Variants in GRM7 observed in about 807,000 individuals in gnomAD.
GRM7 encodes glutamate metabotropic receptor 7.
GRM7 carries 35 observed loss-of-function variants against 84.5 expected under a neutral mutation model. The observed-to-expected ratio is 0.41, with a 90% CI of 0.32 to 0.55. The LOEUF is 0.55. Among genes scored for constraint, GRM7 ranks in the 20% least tolerant of loss-of-function variants. GRM7 has a pLI of 0.19. For synonymous variants in GRM7, 487 were observed against 455.1 expected (o/e 1.07, Z -0.89); for missense variants, 1,003 against 1,194.6 (o/e 0.84, Z 2.36).
chr3:7,518,705 G>A (rs889093758), intron 7 of GRM7, among the ~76,000 whole-genome samples: 3 of 152,160 alleles, frequency 2.0e-5, no homozygotes, highest in Non-Finnish European at 4.4e-5. Context: ...TAAGAAGCCA[G>A]ACAAATTTAA....
intron 8 of GRM7, among the ~76,000 whole-genome samples, chr3:7,663,710 G>C (rs914743425): frequency 1.3e-5 from 2 of 152,144 alleles, no homozygotes; most frequent in African/African-American, 4.8e-5. Flanking sequence ...ATGTTATGGA[G>C]ACCATGGATT....
At chr3:7,642,797 T>G (rs1698423794) in intron 8 of GRM7, among the ~76,000 whole-genome samples, 1 of 152,174 alleles carries the variant, frequency 6.6e-6, no homozygotes, top group South Asian at 2.1e-4. Context: ...CAGTAAATAT[T>G]TGATGAATAA....
intron 2 of GRM7, among the ~76,000 whole-genome samples, chr3:7,270,520 A>AT (rs1227529881): frequency 6.6e-6 from 1 of 151,944 alleles, no homozygotes; most frequent in Non-Finnish European, 1.5e-5. Context: ...TTTTCTCAAT[A>AT]TTGAATGTAT....
At chr3:6,890,154 C>G (rs1029336161) in intron 1 of GRM7, among the ~76,000 whole-genome samples, 29 of 152,096 alleles carry the variant, frequency 1.9e-4, no homozygotes, top group Middle Eastern at 3.4e-3. Flanking sequence ...AGCGGTCTAT[C>G]AATTTTGTTG....
At chr3:7,211,104 A>T (rs1017825270) in intron 2 of GRM7, among the ~76,000 whole-genome samples, 10 of 152,196 alleles carry the variant, frequency 6.6e-5, no homozygotes, top group African/African-American at 1.9e-4. Flanking sequence ...TCTTGACAGT[A>T]TGATATTTGG....
At chr3:7,717,653 G>A (rs1432466283) in intron 9 of GRM7, among the ~76,000 whole-genome samples, 2 of 18,098 alleles carry the variant, frequency 1.1e-4, no homozygotes, top group Admixed American at 9.9e-4. Flanking sequence ...ATATCTGTTG[G>A]CAACCTCTAG....
Position 7,132,629 on chromosome 3 carries a change from G to T in GRM7, c.520-13823G>T, listed in dbSNP as rs567895872. ...AAGCATAGCTTACCTCCTTTTATAAGAATAAAAGAACTAAATAAAAATTTT... is the reference window on the plus strand; with the variant it reads ...AAGCATAGCTTACCTCCTTTTATAATAATAAAAGAACTAAATAAAAATTTT... On this transcript the variant is annotated intron_variant, in intron 1 of 9. Coordinates refer to ENST00000357716, the MANE Select transcript of GRM7 (RefSeq NM_000844.4). 3.3e-5 allele frequency among the ~76,000 whole-genome samples: 5 copies of T among 152,230 alleles called. No homozygotes were observed. In the South Asian group the frequency reaches 1.0e-3, roughly 32 times the overall value.
chr3:6,965,782 A>G (rs746159177), intron 1 of GRM7, among the ~76,000 whole-genome samples: 4 of 152,144 alleles, frequency 2.6e-5, no homozygotes, highest in Admixed American at 6.5e-5. Flanking sequence ...ATGACTTTTC[A>G]ATGCTCTCTG....
At chr3:7,576,367 A>G (rs1256113246) in intron 7 of GRM7, among the ~76,000 whole-genome samples, 1 of 152,234 alleles carries the variant, frequency 6.6e-6, no homozygotes, top group East Asian at 1.9e-4. Context: ...TAGGCAAATA[A>G]GAGTCATCTG....
intron 2 of GRM7, among the ~76,000 whole-genome samples, chr3:7,268,455 T>TA (rs1238607067): frequency 9.3e-5 from 14 of 150,726 alleles, no homozygotes; most frequent in African/African-American, 1.2e-4. Context: ...GACCCTGTCT[T>TA]AAAAAAAAAG....
chr3:7,634,218 C>G (rs1485590748), intron 8 of GRM7, among the ~76,000 whole-genome samples: 1 of 152,076 alleles, frequency 6.6e-6, no homozygotes, highest in African/African-American at 2.4e-5. Context: ...CTAATATTAT[C>G]CTAGTAAAGT....
rs1187114898 is a variant in GRM7, at chr3:7,572,853, TATATATATATATATATATATATATATAA to T, written c.1516-5565_1516-5538del. On this transcript the variant is annotated intron_variant, in intron 7 of 9. Transcript: ENST00000357716. ...ATATATATATATATATATATATATATATATATATATATATATATATATATATAAATAATCTTTCTACCTATAATAATTC... is the reference window on the plus strand; with the variant it reads ...ATATATATATATATATATATATATATATAATCTTTCTACCTATAATAATTC... 1.4e-4 allele frequency among the ~76,000 whole-genome samples: 7 copies of T among 50,714 alleles called. 1 individual carries two copies. Among genetic ancestry groups the T allele is most frequent in the African/African-American group, 2.9e-4 (3 of 10,352 alleles). 33.3% of individuals were successfully genotyped at this position (50,714 alleles called of 152,430 possible). A position where few individuals can be genotyped will look rare whatever the true frequency, so the allele number is the denominator to read the frequency against.
chr3:7,150,903 T>TA (rs1440319817), intron 2 of GRM7, among the ~76,000 whole-genome samples: 1 of 152,190 alleles, frequency 6.6e-6, no homozygotes, highest in African/African-American at 2.4e-5. Context: ...ATATGACTCT[T>TA]ACAGTCCATC....
At chr3:7,186,329 A>G (rs985242680) in intron 2 of GRM7, among the ~76,000 whole-genome samples, 8 of 152,208 alleles carry the variant, frequency 5.3e-5, no homozygotes, top group Non-Finnish European at 8.8e-5. Context: ...TTCTCCCCTT[A>G]AGATGTTAAA....
intron 4 of GRM7, among the ~76,000 whole-genome samples, chr3:7,399,280 C>G (rs1695348110): frequency 6.6e-6 from 1 of 151,994 alleles, no homozygotes; most frequent in South Asian, 2.1e-4. Context: ...TCCAATCACC[C>G]CATCTCAGTT....
chr3:7,092,817 C>T (rs1421375435), intron 1 of GRM7, among the ~76,000 whole-genome samples: 1 of 152,216 alleles, frequency 6.6e-6, no homozygotes, highest in East Asian at 1.9e-4. Context: ...GGCACCTTGG[C>T]TCATGCCTGT....
At chr3:7,454,690 T>C (rs1234545740) in intron 6 of GRM7, among the ~76,000 whole-genome samples, 2 of 152,050 alleles carry the variant, frequency 1.3e-5, no homozygotes, top group Non-Finnish European at 1.5e-5. Context: ...GAGCCAGGTT[T>C]CTCATTATCC....
intron 1 of GRM7, among the ~76,000 whole-genome samples, chr3:7,117,825 T>C (rs1693088891): frequency 6.6e-6 from 1 of 152,182 alleles, no homozygotes; most frequent in African/African-American, 2.4e-5. Context: ...TAAATGATGT[T>C]TCTCAAAATT....
chr3:7,086,316 A>G (rs7637154), intron 1 of GRM7, among the ~76,000 whole-genome samples: 75,611 of 151,848 alleles, frequency 0.5, 20,128 homozygotes, highest in African/African-American at 0.7. Flanking sequence ...ATCTGTATCC[A>G]CTTATAAATA....
Sources: gnomAD v4.1 joint callset for allele counts (sites outside exome capture counted in the v4.1 genomes callset) on GRCh38, gnomAD v4.1.1 for gene constraint, MANE v1.5 for transcripts, NCBI Gene and HGNC (gene_info 2026-07-23, HGNC 2026-07-21) for gene names.